The following FRYL variants were observed in gnomAD, a reference collection of about 807,000 sequenced individuals.
FRYL encodes the protein FRY like transcription coactivator.
FRYL carries 150 observed loss-of-function variants against 351.2 expected under a neutral mutation model. The observed-to-expected ratio is 0.43, with a 90% CI of 0.37 to 0.49. FRYL has a LOEUF of 0.49. Among genes scored for constraint, FRYL ranks in the 20% least tolerant of loss-of-function variants. The probability of loss-of-function intolerance (pLI) is 0.00; values close to 1 mark genes in which losing one functional copy is unlikely to be tolerated. For missense variants in FRYL, 3,036 were observed against 3,619.3 expected (o/e 0.84, Z 4.13); for synonymous variants, 1,153 against 1,257.1 (o/e 0.92, Z 1.75).
At position 48,616,417 on chromosome 4, in the gene FRYL, T is replaced by C. The variant is rs189614088; in HGVS notation, c.411+2857A>G. On this transcript the variant is annotated intron_variant, in intron 7 of 63. Transcript: ENST00000358350. ...AATAGATAATATGTATTGAGGACTT[T>C]CCATGCATTAGGCGTTATTATATTT... Among the ~76,000 whole-genome samples, 237 of 152,280 alleles carry C rather than the reference T, an allele frequency of 1.6e-3. 1 individual carries two copies. The highest frequency in any genetic ancestry group is 5.5e-3 in the African/African-American group (229 of 41,554).
At chr4:48,665,971 G>A (rs568735172) in intron 3 of FRYL, among the ~76,000 whole-genome samples, 2 of 152,172 alleles carry the variant, frequency 1.3e-5, no homozygotes, top group Non-Finnish European at 2.9e-5. Context: ...AACCACAGAG[G>A]TGAGTCAGCA....
At chr4:48,572,377 C>G (rs931528066) in intron 26 of FRYL, among the ~76,000 whole-genome samples, 4 of 152,220 alleles carry the variant, frequency 2.6e-5, no homozygotes, top group African/African-American at 9.6e-5. Flanking sequence ...TATTTCTCAT[C>G]TTGCTATCCA....
chr4:48,651,067 C>A (rs911762076), intron 3 of FRYL, among the ~76,000 whole-genome samples: 1 of 152,134 alleles, frequency 6.6e-6, no homozygotes, highest in African/African-American at 2.4e-5. Flanking sequence ...TAAGTCTCCA[C>A]TGACCCTGTA....
At chr4:48,777,132 A>C (rs553619070) in intron 1 of FRYL, among the ~76,000 whole-genome samples, 3 of 152,364 alleles carry the variant, frequency 2.0e-5, no homozygotes, top group Admixed American at 2.0e-4. Flanking sequence ...TACTTTACAT[A>C]ATACCCTTTA....
At chr4:48,574,088 T>A (rs903910745) in intron 25 of FRYL, among the ~76,000 whole-genome samples, 1 of 152,128 alleles carries the variant, frequency 6.6e-6, no homozygotes, top group Non-Finnish European at 1.5e-5. Context: ...AATTAATGGG[T>A]CAAAGGGTAT....
At chr4:48,545,954 G>T in intron 42 of FRYL, 113 bp downstream of exon 42, 2 of 937,326 alleles carry the variant, frequency 2.1e-6, no homozygotes, top group Non-Finnish European at 3.3e-6. Flanking sequence ...ACAAACCTGT[G>T]TATTTCACAT....
At chr4:48,552,079 C>G (rs1476383429) in intron 36 of FRYL, among the ~76,000 whole-genome samples, 1 of 152,168 alleles carries the variant, frequency 6.6e-6, no homozygotes, top group Non-Finnish European at 1.5e-5. Flanking sequence ...ACGCCATGTA[C>G]TCCTGAAAGA....
At chr4:48,578,234 G>C (rs1740077579) in intron 23 of FRYL, among the ~76,000 whole-genome samples, 1 of 152,116 alleles carries the variant, frequency 6.6e-6, no homozygotes, top group African/African-American at 2.4e-5. Context: ...AAAAGGTACA[G>C]AGTGAAGTCA....
At chr4:48,631,271 T>C (rs1752902296) in intron 4 of FRYL, among the ~76,000 whole-genome samples, 1 of 152,134 alleles carries the variant, frequency 6.6e-6, no homozygotes, top group South Asian at 2.1e-4. Context: ...AGTAGAAACA[T>C]CTACGTTCTG....
intron 4 of FRYL, 83 bp from the exon 5 acceptor site, chr4:48,623,262 T>C (rs768208596): frequency 2.4e-6 from 2 of 833,180 alleles, no homozygotes; most frequent in East Asian, 3.0e-5. Flanking sequence ...AATAAACAGT[T>C]TAGATTTGTG....
rs17575972 is a variant in FRYL, at chr4:48,682,081, C to G, written c.-81+2592G>C. ...AAACACAAAGGTAACAGGGTAAAAC[C>G]CCTAAGCAATCATATCTATAACTCT... is the stretch of plus-strand genomic sequence containing the variant. On this transcript the variant is annotated intron_variant, in intron 3 of 63. Coordinates refer to ENST00000358350, the MANE Select transcript of FRYL (RefSeq NM_015030.2). Among the ~76,000 whole-genome samples, 1,482 of 152,212 alleles carry G rather than the reference C, an allele frequency of 9.7e-3. 15 individuals are homozygous for G. The highest frequency in any genetic ancestry group is 0.014 in the Non-Finnish European group (944 of 67,984).
In FRYL at chr4:48,701,820, T is replaced by C. The variant is rs144281728; in HGVS notation, c.-204+8699A>G. Among the ~76,000 whole-genome samples, 601 of 152,322 alleles carry C rather than the reference T, an allele frequency of 3.9e-3. 3 individuals are homozygous for C. Among genetic ancestry groups the C allele is most frequent in the Non-Finnish European group, 7.4e-3 (505 of 68,012 alleles). ...ATTTTATTGACCATTTTCTGCTACC[T>C]GGCGATCAAATATTTAATGCCCTGA... On this transcript the variant is annotated intron_variant, in intron 2 of 63. Coordinates refer to ENST00000358350, the MANE Select transcript of FRYL (RefSeq NM_015030.2).
rs1742176854 is a variant in FRYL at position 48,586,740 on chromosome 4, A to G, written c.1641-12T>C. The stretch of plus-strand genomic sequence containing the variant: ...GTTTTCTTTCCCCCCTGAAAAATAC[A>G]ACAGGATTTAATAAGAAACATATTA... On this transcript the variant is annotated splice_polypyrimidine_tract_variant and intron_variant, in intron 18 of 63. Transcript: ENST00000358350. The G allele has an allele frequency of 1.3e-6, 2 of 1,520,278 alleles. No homozygotes were observed. Among genetic ancestry groups the G allele is most frequent in the Non-Finnish European group, 1.8e-6 (2 of 1,101,914 alleles). 94.2% of individuals were successfully genotyped at this position (1,520,278 alleles called of 1,614,324 possible).
intron 3 of FRYL, among the ~76,000 whole-genome samples, chr4:48,650,216 T>C (rs1013505595): frequency 6.6e-6 from 1 of 152,192 alleles, no homozygotes. Flanking sequence ...ATAATATTAA[T>C]AACCAAATTA....
At chr4:48,671,419 G>A (rs1332652093) in intron 3 of FRYL, among the ~76,000 whole-genome samples, 1 of 152,150 alleles carries the variant, frequency 6.6e-6, no homozygotes, top group African/African-American at 2.4e-5. Context: ...TGTAATCCCA[G>A]TACTTAAGGA....
intron 33 of FRYL, among the ~76,000 whole-genome samples, chr4:48,559,981 C>A (rs566573073): frequency 6.6e-6 from 1 of 152,028 alleles, no homozygotes; most frequent in African/African-American, 2.4e-5. Flanking sequence ...GAAATTGATA[C>A]TAGTGGAGTG....
At chr4:48,711,729 C>T (rs1487425389) in intron 1 of FRYL, among the ~76,000 whole-genome samples, 5 of 152,208 alleles carry the variant, frequency 3.3e-5, no homozygotes, top group Non-Finnish European at 7.3e-5. Flanking sequence ...TCCCAGCATG[C>T]AGCTGGAGAT....
chr4:48,745,572 G>A (rs1578904302), intron 1 of FRYL, among the ~76,000 whole-genome samples: 1 of 152,226 alleles, frequency 6.6e-6, no homozygotes, highest in African/African-American at 2.4e-5. Flanking sequence ...TTGGACACAG[G>A]GTGGGGAACA....
At chr4:48,606,384 A>G in intron 10 of FRYL, 54 bp downstream of exon 10, 1 of 1,186,198 alleles carries the variant, frequency 8.4e-7, no homozygotes, top group Non-Finnish European at 1.2e-6. Context: ...AAAGTCATGA[A>G]GAGCAAGGAC....
Sources: allele counts gnomAD v4.1 joint callset (sites outside exome capture counted in the v4.1 genomes callset), GRCh38; gene constraint gnomAD v4.1.1; transcripts MANE v1.5; gene names NCBI Gene and HGNC (gene_info 2026-07-23, HGNC 2026-07-21).